Variants in ALX4 observed in about 807,000 individuals in gnomAD.
The protein encoded by ALX4 is homeobox protein aristaless-like 4.
Under a neutral mutation model 40.6 loss-of-function variants are expected in ALX4, and 22 were observed. The ratio of observed to expected loss-of-function variants is 0.54; its 90% CI spans 0.39 to 0.77. ALX4 has a LOEUF of 0.77. Among genes scored for constraint, ALX4 ranks in the 30% least tolerant of loss-of-function variants. The probability of loss-of-function intolerance (pLI) is 0.00; values close to 1 mark genes in which losing one functional copy is unlikely to be tolerated. For synonymous variants in ALX4, 266 were observed against 240.5 expected (o/e 1.11, Z -0.98); for missense variants, 556 against 564.8 (o/e 0.98, Z 0.16).
chr11:44,309,980 C>A lies in ALX4; in HGVS notation c.83G>T (p.Arg28Leu). 6.3e-7 allele frequency: 1 copy of A among 1,599,350 alleles called. No individual in the cohort carries two copies. Among genetic ancestry groups the A allele is most frequent in the Non-Finnish European group, 8.5e-7 (1 of 1,173,128 alleles). ...DAYYSPVSQSREGSSPFRAFP... is the reference protein window; with the variant it reads ...DAYYSPVSQSLEGSSPFRAFP... ...TGCCCTAAAAGGCGACGAGCCCTCC[C>A]GACTCTGCGACACCGGGCTGTAGTA... Residue 28 changes from arginine (R) to leucine (L), a missense_variant, in exon 1 of 4, where the codon CGG becomes CTG. Arg to Leu is a moderately radical substitution (Grantham distance 102). Coordinates refer to ENST00000652299, the MANE Select transcript of ALX4 (RefSeq NM_021926.4).
rs1458740610 is a variant in ALX4 at position 44,310,026 on chromosome 11, G to A, written c.37C>T (p.Pro13Ser). 1 of 1,602,372 alleles carries A rather than the reference G, an allele frequency of 6.2e-7. No individual in the cohort carries two copies. The highest frequency in any genetic ancestry group is 8.5e-7 in the Non-Finnish European group (1 of 1,174,832). The change falls in exon 1 of 4, where the codon CCG becomes TCG. Residue 13 changes from proline to serine, a missense_variant. Pro to Ser is a moderately conservative substitution (Grantham distance 74). Transcript: ENST00000652299. ...TAGTAGGCGTCCATGGCAGCGGCCGGCGACTCGCAGTAAGAGACGCAAGTC... is the reference window on the plus strand; with the variant it reads ...TAGTAGGCGTCCATGGCAGCGGCCGACGACTCGCAGTAAGAGACGCAAGTC... ...AETCVSYCES[P>S]AAAMDAYYSP...
intron 1 of ALX4, among the ~76,000 whole-genome samples, chr11:44,287,605 AG>A (rs111757226): frequency 0.82 from 108,548 of 133,142 alleles, 44,800 homozygotes; most frequent in South Asian, 0.89. Context: ...CAAAAAAAAA[AG>A]AAAAGAAAAG....
intron 1 of ALX4, among the ~76,000 whole-genome samples, chr11:44,282,487 G>A (rs1413353152): frequency 2.0e-5 from 3 of 152,142 alleles, no homozygotes; most frequent in Non-Finnish European, 4.4e-5. Flanking sequence ...CAGAAATAAT[G>A]ACTTATTTTA....
intron 1 of ALX4, among the ~76,000 whole-genome samples, chr11:44,295,838 G>A (rs1956399594): frequency 6.6e-6 from 1 of 152,186 alleles, no homozygotes; most frequent in African/African-American, 2.4e-5. Flanking sequence ...CAAAGGCCAC[G>A]TCCTCATGGG....
rs532402451 is a variant in ALX4, at chr11:44,294,777, A to T, written c.466+14820T>A. On this transcript the variant is annotated intron_variant, in intron 1 of 3. Coordinates refer to ENST00000652299, the MANE Select transcript of ALX4 (RefSeq NM_021926.4). ...CAAAATCTTATCAATCATAACAGCT[A>T]ACATTGACTGAGCACTTACTATGCT... 4.6e-5 allele frequency among the ~76,000 whole-genome samples: 7 copies of T among 152,316 alleles called. No homozygotes were observed. In the East Asian group the frequency reaches 1.3e-3, roughly 29 times the overall value.
intron 3 of ALX4, among the ~76,000 whole-genome samples, chr11:44,266,375 G>A (rs1956213927): frequency 6.6e-6 from 1 of 152,260 alleles, no homozygotes; most frequent in Middle Eastern, 3.4e-3. Context: ...GGAGAGGGGA[G>A]AAAGAGAATG....
At chr11:44,302,674 C>A (rs1312624459) in intron 1 of ALX4, among the ~76,000 whole-genome samples, 1 of 152,196 alleles carries the variant, frequency 6.6e-6, no homozygotes, top group African/African-American at 2.4e-5. Context: ...TTGCTTACCC[C>A]CTCCCTATTT....
chr11:44,281,898 G>A (rs771396964), intron 1 of ALX4, among the ~76,000 whole-genome samples: 21 of 152,220 alleles, frequency 1.4e-4, no homozygotes, highest in Admixed American at 6.5e-5. Context: ...CCCTCAAGGG[G>A]CTGCCAATCT....
intron 1 of ALX4, among the ~76,000 whole-genome samples, chr11:44,299,966 C>T (rs1024463078): frequency 6.6e-6 from 1 of 152,178 alleles, no homozygotes. Flanking sequence ...GGCGCACAGG[C>T]AGGGACGCTC....
At chr11:44,296,226 A>G (rs1245527350) in intron 1 of ALX4, among the ~76,000 whole-genome samples, 1 of 152,264 alleles carries the variant, frequency 6.6e-6, no homozygotes, top group Non-Finnish European at 1.5e-5. Flanking sequence ...CATCTTTTCT[A>G]CAAATGGTGC....
At chr11:44,302,919 G>A (rs1345099376) in intron 1 of ALX4, among the ~76,000 whole-genome samples, 1 of 152,178 alleles carries the variant, frequency 6.6e-6, no homozygotes, top group Non-Finnish European at 1.5e-5. Context: ...CTCCAAGAGG[G>A]TCTTTGGAAA....
At chr11:44,273,721 G>A (rs1056186937) in intron 2 of ALX4, among the ~76,000 whole-genome samples, 21 of 152,144 alleles carry the variant, frequency 1.4e-4, no homozygotes, top group Non-Finnish European at 1.5e-5. Flanking sequence ...GGAGGCTGAG[G>A]TGAGGGATTA....
Position 44,264,403 on chromosome 11 carries a change from GAC to G in ALX4, c.*449_*450del, listed in dbSNP as rs1956200598. 5.6e-6 allele frequency: 1 copy of G among 179,424 alleles called. No homozygotes were observed. The highest frequency in any genetic ancestry group is 1.2e-5 in the Non-Finnish European group (1 of 85,192). The allele number at this position is 179,424 out of a possible 1,614,324, so 11.1% of individuals were successfully genotyped here. ...GCTCTGCAGGGCAGCCTGTGCTTCA[GAC>G]ACACAGCCACCGGCCTGGTGACCAG... is the stretch of plus-strand genomic sequence containing the variant. On this transcript the variant is annotated 3_prime_UTR_variant, in exon 4 of 4. Coordinates refer to ENST00000652299, the MANE Select transcript of ALX4 (RefSeq NM_021926.4).
rs76339242 is a variant in ALX4, at chr11:44,273,120, G to T, written c.777+2228C>A. 6.6e-3 allele frequency among the ~76,000 whole-genome samples: 991 copies of T among 150,872 alleles called. 8 individuals are homozygous for T. Among genetic ancestry groups the T allele is most frequent in the Non-Finnish European group, 9.6e-3 (653 of 67,874 alleles). On this transcript the variant is annotated intron_variant, in intron 2 of 3. Transcript: ENST00000652299. ...GAGTCCCTGGGGCCTGCTGAGGATT[G>T]CAGGGTTGGGGCATCTCTGTCCTAA...
At chr11:44,273,480 C>G (rs1956260625) in intron 2 of ALX4, among the ~76,000 whole-genome samples, 1 of 152,144 alleles carries the variant, frequency 6.6e-6, no homozygotes, top group Non-Finnish European at 1.5e-5. Context: ...GCTCTCTGGA[C>G]AAGGGTTGAT....
At chr11:44,286,042 A>AAGGTG (rs1956336774) in intron 1 of ALX4, among the ~76,000 whole-genome samples, 2 of 152,218 alleles carry the variant, frequency 1.3e-5, no homozygotes, top group Non-Finnish European at 2.9e-5. Flanking sequence ...GCAGCTCTGC[A>AAGGTG]GGCACAGCTG....
rs755698536 is a variant in ALX4, at chr11:44,275,445, T to C, written c.680A>G (p.Glu227Gly). ...CTTCTGGAAGACCTTCTCCAGCTCC[T>C]CCAGCTGGTAGCTGGTGAAGGTGGT... Reference protein sequence around the residue: ...NRTTFTSYQLEELEKVFQKTH... With the variant: ...NRTTFTSYQLGELEKVFQKTH... Residue 227 changes from glutamate to glycine, a missense_variant, in exon 2 of 4, where the codon GAG becomes GGG. By Grantham distance (98) the Glu-to-Gly change is moderately conservative. Coordinates refer to ENST00000652299, the MANE Select transcript of ALX4 (RefSeq NM_021926.4). The C allele has an allele frequency of 6.2e-7, 1 of 1,614,134 alleles. No individual in the cohort carries two copies. Among genetic ancestry groups the C allele is most frequent in the Non-Finnish European group, 8.5e-7 (1 of 1,179,998 alleles).
At chr11:44,294,238 G>A (rs943882857) in intron 1 of ALX4, among the ~76,000 whole-genome samples, 13 of 152,204 alleles carry the variant, frequency 8.5e-5, no homozygotes, top group African/African-American at 3.1e-4. Context: ...CTCAGTCCAG[G>A]TGTGGCCAAG....
chr11:44,282,851 C>T (rs1956317287), intron 1 of ALX4, among the ~76,000 whole-genome samples: 3 of 152,210 alleles, frequency 2.0e-5, no homozygotes, highest in Admixed American at 2.0e-4. Context: ...TTACAAAGGG[C>T]TTGCACTGGT....
Sources: allele counts gnomAD v4.1 joint callset (sites outside exome capture counted in the v4.1 genomes callset), GRCh38; gene constraint gnomAD v4.1.1; transcripts MANE v1.5; gene names NCBI Gene and HGNC (gene_info 2026-07-23, HGNC 2026-07-21).